The following ZNF846 variants were observed in gnomAD, a reference collection of about 807,000 sequenced individuals.
ZNF846 encodes the protein zinc finger protein 846.
Under a neutral mutation model 16.0 loss-of-function variants are expected in ZNF846, and 15 were observed. The ratio of observed to expected loss-of-function variants is 0.94; its 90% CI spans 0.63 to 1.45. ZNF846 has a LOEUF of 1.45. Ranked by LOEUF, ZNF846 falls within the 40% of genes most tolerant of loss-of-function variation. The probability of loss-of-function intolerance (pLI) is 0.00; values close to 1 mark genes in which losing one functional copy is unlikely to be tolerated. For missense variants in ZNF846, 714 were observed against 622.3 expected, an observed-to-expected ratio of 1.15 and a Z score of -1.57; for synonymous variants, 229 against 212.0, an observed-to-expected ratio of 1.08 and a Z score of -0.70.
At chr19:9,772,912 C>T (rs1222090560), upstream of ZNF846, among the ~76,000 whole-genome samples, 9 of 151,654 alleles carry the variant, frequency 5.9e-5, no homozygotes, top group Admixed American at 5.3e-4. Context: ...CCCATCTCTA[C>T]AAAAAAGACA....
Position 9,774,883 on chromosome 19 carries a change from C to A in ZNF846, c.-85-9848G>T, listed in dbSNP as rs1014894058. 5.0e-6 allele frequency: 8 copies of A among 1,609,862 alleles called. No homozygotes were observed. In the African/African-American group the frequency reaches 1.1e-4, roughly 22 times the overall value. ...TTCGGGCTGACCTAGCTGAAGAATACTCTAAGGACCGTAAAAAATTCTGTA... is the reference window on the plus strand; with the variant it reads ...TTCGGGCTGACCTAGCTGAAGAATAATCTAAGGACCGTAAAAAATTCTGTA... On this transcript the variant is annotated intron_variant, in intron 1 of 4. Transcript: ENST00000586814.
chr19:9,768,240 T>TAAGCGATGC (rs2045348285), intron 1 of ZNF846, 49 bp downstream of exon 1: 1 of 152,168 alleles, frequency 6.6e-6, no homozygotes, highest in African/African-American at 2.4e-5. Context: ...CAAACTTCAA[T>TAAGCGATGC]AAGCGATGCC....
exon 4 of ZNF846, chr19:9,762,137 C>T (rs1299843525): frequency 3.1e-6 from 5 of 1,614,016 alleles, no homozygotes; most frequent in Non-Finnish European, 4.2e-6. Context: ...CCAATCCAGA[C>T]ATGAGACTAC....
At chr19:9,774,401 G>T in intron 1 of ZNF846, 2 of 576,914 alleles carry the variant, frequency 3.5e-6, no homozygotes, top group South Asian at 3.8e-5. Context: ...CCGGGAGGTG[G>T]AGCTTGCAGT....
At chr19:9,762,135 G>A in exon 4 of ZNF846, 1 of 1,614,046 alleles carries the variant, frequency 6.2e-7, no homozygotes, top group Non-Finnish European at 8.5e-7. Flanking sequence ...TTCCAATCCA[G>A]ACATGAGACT....
rs530620657 is a variant in ZNF846, at chr19:9,763,078, G to T, written c.142+204C>A. 9.3e-4 allele frequency among the ~76,000 whole-genome samples: 142 copies of T among 152,052 alleles called. 1 individual carries two copies. The Middle Eastern group carries it at 0.01, about 11-fold the overall frequency. On this transcript the variant is annotated intron_variant, in intron 3 of 5. Transcript: ENST00000397902. ...AGAATCACTTGAATCCAGGAGGGGG[G>T]GCTTTGCAGTAAGCAGAGACCATGC...
chr19:9,763,010 G>T (rs776228395), intron 3 of ZNF846, among the ~76,000 whole-genome samples: 2 of 152,080 alleles, frequency 1.3e-5, no homozygotes, highest in Non-Finnish European at 2.9e-5. Flanking sequence ...TGGCCATGGT[G>T]GTGCACACCT....
downstream of ZNF846, among the ~76,000 whole-genome samples, chr19:9,751,634 C>T (rs1295381479): frequency 6.6e-6 from 1 of 152,056 alleles, no homozygotes; most frequent in Non-Finnish European, 1.5e-5. Context: ...CCCTCCGCGC[C>T]CTTGTGAATG....
intron 1 of ZNF846, among the ~76,000 whole-genome samples, chr19:9,773,865 A>G (rs147650511): frequency 6.6e-6 from 1 of 152,366 alleles, no homozygotes; most frequent in African/African-American, 2.4e-5. Flanking sequence ...ATGATGTGAT[A>G]TTATATATGG....
At chr19:9,778,419 C>G (rs1217452518) in intron 1 of ZNF846, among the ~76,000 whole-genome samples, 1 of 152,170 alleles carries the variant, frequency 6.6e-6, no homozygotes, top group Non-Finnish European at 1.5e-5. Context: ...TAACTGTCCC[C>G]CAGGAGTAAA....
At chr19:9,776,157 G>A (rs1412285031) in intron 1 of ZNF846, among the ~76,000 whole-genome samples, 2 of 152,208 alleles carry the variant, frequency 1.3e-5, no homozygotes, top group Non-Finnish European at 1.5e-5. Flanking sequence ...AAACTGTCAA[G>A]GAACAACACC....
chr19:9,773,362 T>C (rs1485745093), upstream of ZNF846, among the ~76,000 whole-genome samples: 1 of 152,036 alleles, frequency 6.6e-6, no homozygotes, highest in East Asian at 1.9e-4. Context: ...TCCAGAAAAA[T>C]AGAAATTAGT....
At chr19:9,757,276 G>A (rs1345554898), downstream of ZNF846, among the ~76,000 whole-genome samples, 5 of 151,538 alleles carry the variant, frequency 3.3e-5, no homozygotes, top group East Asian at 1.9e-4. Context: ...TTCTCCCAAA[G>A]GTGAGTTCTT....
At chr19:9,775,648 T>C (rs2045432860) in intron 1 of ZNF846, among the ~76,000 whole-genome samples, 1 of 151,966 alleles carries the variant, frequency 6.6e-6, no homozygotes, top group Non-Finnish European at 1.5e-5. Flanking sequence ...AACAAAAATA[T>C]ATGCATATGT....
chr19:9,758,991 T>C lies in ZNF846; in HGVS notation c.313-227A>G, dbSNP rs544673072. ...TTCACAGAGCTTCTTAGACAATCTG[T>C]CTGATATTTATTTATTTATTTATTT... On this transcript the variant is annotated intron_variant, in intron 5 of 5. Coordinates refer to ENST00000397902, the Ensembl canonical transcript of ZNF846. Among the ~76,000 whole-genome samples, 4 of 151,828 alleles carry C rather than the reference T, an allele frequency of 2.6e-5. No individual in the cohort carries two copies. The East Asian group carries it at 7.7e-4, about 29-fold the overall frequency.
intron 1 of ZNF846, among the ~76,000 whole-genome samples, chr19:9,783,474 T>C (rs2145327364): frequency 7.1e-6 from 1 of 141,754 alleles, no homozygotes; most frequent in African/African-American, 2.6e-5. Context: ...TGATTGCCAC[T>C]ATGAATAGCC....
At chr19:9,777,425 C>A (rs975104663) in intron 1 of ZNF846, among the ~76,000 whole-genome samples, 1 of 151,974 alleles carries the variant, frequency 6.6e-6, no homozygotes, top group South Asian at 2.1e-4. Flanking sequence ...GTAATCCCAG[C>A]ACTTTTGGAG....
intron 2 of ZNF846, among the ~76,000 whole-genome samples, chr19:9,764,027 C>G (rs946015847): frequency 2.0e-5 from 3 of 152,170 alleles, no homozygotes; most frequent in Non-Finnish European, 4.4e-5. Context: ...CTGCACAGAG[C>G]CTATGAATGG....
chr19:9,775,039 T>C, intron 1 of ZNF846: 1 of 1,306,596 alleles, frequency 7.7e-7, no homozygotes, highest in Non-Finnish European at 1.1e-6. Flanking sequence ...AGCAGGACTC[T>C]GTGGAAATTG....
Sources: gnomAD v4.1 joint callset for allele counts (sites outside exome capture counted in the v4.1 genomes callset) on GRCh38, gnomAD v4.1.1 for gene constraint, MANE v1.5 for transcripts, NCBI Gene and HGNC (gene_info 2026-07-23, HGNC 2026-07-21) for gene names.